The following SSBP2 variants were observed in gnomAD, a reference collection of about 807,000 sequenced individuals.
SSBP2 encodes single-stranded DNA-binding protein 2.
SSBP2 carries 17 observed loss-of-function variants against 61.8 expected under a neutral mutation model. The observed-to-expected ratio is 0.28, with a 90% CI of 0.19 to 0.41. The LOEUF is 0.41. Among genes scored for constraint, SSBP2 ranks in the 10% least tolerant of loss-of-function variants. The pLI, the probability that SSBP2 is intolerant of heterozygous loss-of-function variation, is 1.00. For synonymous variants in SSBP2, 139 were observed against 141.3 expected (o/e 0.98, Z 0.12); for missense variants, 310 against 458.7 (o/e 0.68, Z 2.96).
At chr5:81,708,419 T>C (rs534259525) in intron 1 of SSBP2, among the ~76,000 whole-genome samples, 2 of 152,256 alleles carry the variant, frequency 1.3e-5, no homozygotes, top group South Asian at 4.1e-4. Flanking sequence ...CATTAAACAA[T>C]ATAATATAGA....
At chr5:81,603,363 C>T (rs1319336691) in intron 4 of SSBP2, among the ~76,000 whole-genome samples, 1 of 152,078 alleles carries the variant, frequency 6.6e-6, no homozygotes, top group African/African-American at 2.4e-5. Flanking sequence ...ACAGAGCATC[C>T]CAAGAAGGCA....
chr5:81,552,056 T>A (rs768404562), intron 4 of SSBP2, among the ~76,000 whole-genome samples: 6 of 152,214 alleles, frequency 3.9e-5, no homozygotes, highest in Non-Finnish European at 8.8e-5. Context: ...TTACATTCAC[T>A]TGACATTAGG....
chr5:81,602,888 T>C (rs1744511446), intron 4 of SSBP2, among the ~76,000 whole-genome samples: 1 of 152,114 alleles, frequency 6.6e-6, no homozygotes, highest in South Asian at 2.1e-4. Context: ...AGAGATCTTC[T>C]TACTTCCGTA....
At chr5:81,687,944 A>G (rs949557975) in intron 1 of SSBP2, among the ~76,000 whole-genome samples, 1 of 152,148 alleles carries the variant, frequency 6.6e-6, no homozygotes, top group African/African-American at 2.4e-5. Context: ...TAGTTGCTAC[A>G]AGGAGGAACT....
chr5:81,570,481 A>T (rs1773752242), intron 4 of SSBP2, among the ~76,000 whole-genome samples: 1 of 152,194 alleles, frequency 6.6e-6, no homozygotes, highest in Admixed American at 6.5e-5. Flanking sequence ...AATATATAAC[A>T]AGATCACATT....
At chr5:81,622,712 C>A (rs566679128) in intron 3 of SSBP2, among the ~76,000 whole-genome samples, 1 of 152,118 alleles carries the variant, frequency 6.6e-6, no homozygotes, top group African/African-American at 2.4e-5. Context: ...GAGGATACAA[C>A]AAAACTTGGT....
chr5:81,602,589 T>G (rs1203478816), intron 4 of SSBP2, among the ~76,000 whole-genome samples: 1 of 152,200 alleles, frequency 6.6e-6, no homozygotes, highest in Non-Finnish European at 1.5e-5. Context: ...TAGTTTCATC[T>G]CTGCCCTGAG....
At chr5:81,683,782 C>A (rs898731392) in intron 1 of SSBP2, among the ~76,000 whole-genome samples, 2 of 151,992 alleles carry the variant, frequency 1.3e-5, no homozygotes, top group African/African-American at 4.8e-5. Flanking sequence ...AAATGAACAA[C>A]CTGATTAAAA....
intron 1 of SSBP2, among the ~76,000 whole-genome samples, chr5:81,653,760 G>A (rs1465462722): frequency 6.6e-6 from 1 of 152,070 alleles, no homozygotes; most frequent in African/African-American, 2.4e-5. Flanking sequence ...AGAAGTAACT[G>A]TTCATATCCT....
chr5:81,480,539 G>A (rs984755749), intron 6 of SSBP2, among the ~76,000 whole-genome samples: 5 of 152,206 alleles, frequency 3.3e-5, no homozygotes, highest in African/African-American at 9.7e-5. Flanking sequence ...GTTGCTGACT[G>A]ATCAGGGTGG....
rs199931234 is a variant in SSBP2 at position 81,429,571 on chromosome 5, T to TA, written c.958-889dup. Among the ~76,000 whole-genome samples the TA allele has an allele frequency of 2.6e-3, 390 of 151,584 alleles. 2 individuals carry two copies. Among genetic ancestry groups the TA allele is most frequent in the African/African-American group, 8.7e-3 (362 of 41,392 alleles). ...TTTGAAGGTCCAATTCATTAACTTG[T>TA]AAAAAAAAACTTCAGAGTTAAACAT... On this transcript the variant is annotated intron_variant, in intron 15 of 16. Transcript: ENST00000320672.
chr5:81,487,699 A>ATCACAC, intron 6 of SSBP2, among the ~76,000 whole-genome samples: 1 of 151,792 alleles, frequency 6.6e-6, no homozygotes, highest in Non-Finnish European at 1.5e-5. Context: ...TACATTATGT[A>ATCACAC]ATGATTATCA....
chr5:81,721,105 G>A (rs568394061), intron 1 of SSBP2, among the ~76,000 whole-genome samples: 16 of 152,212 alleles, frequency 1.1e-4, no homozygotes, highest in African/African-American at 3.9e-4. Flanking sequence ...AGCCACAATA[G>A]TAGGAAACCT....
intron 4 of SSBP2, among the ~76,000 whole-genome samples, chr5:81,534,310 A>G (rs1770646019): frequency 6.6e-6 from 1 of 152,158 alleles, no homozygotes; most frequent in Non-Finnish European, 1.5e-5. Flanking sequence ...CCAGCTATCA[A>G]GAAAGAATCA....
At chr5:81,750,235 ACCCGCC>A (rs1163350202) in intron 1 of SSBP2, among the ~76,000 whole-genome samples, 5 of 83,878 alleles carry the variant, frequency 6.0e-5, no homozygotes, top group African/African-American at 1.3e-4. Flanking sequence ...TCCGGCGCCC[ACCCGCC>A]CCCGCCCCCG....
chr5:81,615,423 T>A (rs1439258834), intron 4 of SSBP2, 50 bp downstream of exon 4: 1 of 1,353,292 alleles, frequency 7.4e-7, no homozygotes, highest in South Asian at 1.2e-5. Flanking sequence ...AGAGCAGTGG[T>A]TAAACAGAAA....
intron 8 of SSBP2, among the ~76,000 whole-genome samples, chr5:81,471,809 G>A (rs1022671710): frequency 6.6e-6 from 1 of 151,580 alleles, no homozygotes; most frequent in African/African-American, 2.4e-5. Flanking sequence ...TCTTTCCTTG[G>A]AACTGTATTT....
chr5:81,742,994 T>C (rs1397646785), intron 1 of SSBP2, among the ~76,000 whole-genome samples: 5 of 152,192 alleles, frequency 3.3e-5, no homozygotes, highest in Non-Finnish European at 7.4e-5. Flanking sequence ...ATTACGCCAA[T>C]TGTACCAACC....
At chr5:81,747,436 T>G (rs1373778405) in intron 1 of SSBP2, among the ~76,000 whole-genome samples, 1 of 152,104 alleles carries the variant, frequency 6.6e-6, no homozygotes, top group African/African-American at 2.4e-5. Context: ...TGTAGATTTG[T>G]TGGGAGAATT....
Sources: allele counts gnomAD v4.1 joint callset (sites outside exome capture counted in the v4.1 genomes callset), GRCh38; gene constraint gnomAD v4.1.1; transcripts MANE v1.5; gene names NCBI Gene and HGNC (gene_info 2026-07-23, HGNC 2026-07-21).